Variants in SPAG16 observed in about 807,000 individuals in gnomAD.
SPAG16 encodes the protein sperm associated antigen 16.
SPAG16 carries 86 observed loss-of-function variants against 80.4 expected under a neutral mutation model. That is an observed-to-expected ratio of 1.07 (90% CI 0.90 to 1.28). The LOEUF (loss-of-function observed/expected upper bound fraction) is 1.28. Ranked by LOEUF, SPAG16 falls within the 50% of genes most tolerant of loss-of-function variation. The pLI is 0.00. For missense variants in SPAG16, 870 were observed against 765.3 expected (o/e 1.14, Z -1.61); for synonymous variants, 294 against 265.9 (o/e 1.11, Z -1.03).
chr2:213,348,260 C>A (rs181686900), intron 6 of SPAG16, among the ~76,000 whole-genome samples: 89 of 152,110 alleles, frequency 5.9e-4, no homozygotes, highest in Non-Finnish European at 8.5e-4. Flanking sequence ...TGATTTTGAG[C>A]CTATGTGTGT....
intron 15 of SPAG16, among the ~76,000 whole-genome samples, chr2:214,167,810 T>G (rs1205862310): frequency 6.8e-6 from 1 of 147,710 alleles, no homozygotes; most frequent in Non-Finnish European, 1.5e-5. Flanking sequence ...ATTATATACT[T>G]TTTTTTTTTC....
At chr2:214,064,558 ATT>A (rs2050440609) in intron 13 of SPAG16, among the ~76,000 whole-genome samples, 2 of 152,062 alleles carry the variant, frequency 1.3e-5, no homozygotes, top group Non-Finnish European at 2.9e-5. Context: ...CATCATTTTA[ATT>A]CCAAGGAGTG....
At chr2:213,786,565 AAACT>A (rs1311044400) in intron 10 of SPAG16, among the ~76,000 whole-genome samples, 2 of 152,188 alleles carry the variant, frequency 1.3e-5, no homozygotes, top group Non-Finnish European at 2.9e-5. Context: ...ATAAATAAAT[AAACT>A]ATTACCATGT....
At chr2:213,457,174 G>A (rs1033762560) in intron 9 of SPAG16, among the ~76,000 whole-genome samples, 6 of 152,086 alleles carry the variant, frequency 3.9e-5, no homozygotes, top group Non-Finnish European at 8.8e-5. Context: ...CTGTCTACCA[G>A]GAAATTGTTT....
chr2:213,385,338 C>G (rs972105916), intron 9 of SPAG16, among the ~76,000 whole-genome samples: 2 of 152,122 alleles, frequency 1.3e-5, no homozygotes, highest in Non-Finnish European at 2.9e-5. Context: ...AGTTTCCTTT[C>G]TAGGGTGTTA....
At chr2:213,353,561 T>TCCTGGAGTATC (rs2065455231) in intron 7 of SPAG16, among the ~76,000 whole-genome samples, 1 of 152,224 alleles carries the variant, frequency 6.6e-6, no homozygotes, top group South Asian at 2.1e-4. Context: ...ATACTTATAT[T>TCCTGGAGTATC]CCTGGAGTAT....
intron 10 of SPAG16, among the ~76,000 whole-genome samples, chr2:213,513,794 T>C (rs1234084199): frequency 6.6e-6 from 1 of 152,148 alleles, no homozygotes; most frequent in Non-Finnish European, 1.5e-5. Context: ...TATAATTTTA[T>C]ACTTAAGCTG....
At chr2:213,822,730 C>A (rs1416082330) in intron 10 of SPAG16, among the ~76,000 whole-genome samples, 2 of 152,106 alleles carry the variant, frequency 1.3e-5, no homozygotes, top group Non-Finnish European at 2.9e-5. Flanking sequence ...CTCTCCTCAA[C>A]CCCCAGCCCC....
intron 12 of SPAG16, among the ~76,000 whole-genome samples, chr2:213,978,876 T>C (rs751755048): frequency 1.6e-4 from 24 of 151,964 alleles, no homozygotes; most frequent in Non-Finnish European, 2.9e-4. Flanking sequence ...ACAATGGGGG[T>C]TAGTGCTTCA....
At chr2:214,103,547 T>A (rs1039273487) in intron 13 of SPAG16, among the ~76,000 whole-genome samples, 1 of 152,122 alleles carries the variant, frequency 6.6e-6, no homozygotes, top group African/African-American at 2.4e-5. Flanking sequence ...GAAAGCAGCA[T>A]GGGAAGGATA....
intron 6 of SPAG16, among the ~76,000 whole-genome samples, chr2:213,347,597 A>G (rs1271845995): frequency 6.6e-6 from 1 of 152,066 alleles, no homozygotes; most frequent in Non-Finnish European, 1.5e-5. Context: ...CTTTGTTCTC[A>G]TTGGTTTCAA....
At chr2:214,295,655 G>T (rs568419955) in intron 15 of SPAG16, among the ~76,000 whole-genome samples, 1 of 152,214 alleles carries the variant, frequency 6.6e-6, no homozygotes, top group Admixed American at 6.5e-5. Context: ...ACCAGGCGTG[G>T]TGGCACATGT....
chr2:213,907,315 A>G (rs550391967), intron 11 of SPAG16, among the ~76,000 whole-genome samples: 1 of 152,348 alleles, frequency 6.6e-6, no homozygotes, highest in South Asian at 2.1e-4. Context: ...AATGCAAATC[A>G]AAACTACAAA....
At chr2:213,499,705 A>C (rs1329155338) in intron 10 of SPAG16, among the ~76,000 whole-genome samples, 1 of 152,200 alleles carries the variant, frequency 6.6e-6, no homozygotes, top group Non-Finnish European at 1.5e-5. Context: ...AGCTATAAAC[A>C]CTACTCTCGT....
chr2:213,837,802 C>T (rs2074165503), intron 10 of SPAG16, among the ~76,000 whole-genome samples: 1 of 151,944 alleles, frequency 6.6e-6, no homozygotes, highest in South Asian at 2.1e-4. Context: ...CACAAGAGTC[C>T]ATATAAGAGA....
intron 13 of SPAG16, among the ~76,000 whole-genome samples, chr2:214,041,554 T>A: frequency 6.6e-6 from 1 of 151,932 alleles, no homozygotes; most frequent in East Asian, 1.9e-4. Context: ...GAAGATTTTA[T>A]AAGGGACTAA....
intron 8 of SPAG16, among the ~76,000 whole-genome samples, chr2:213,369,091 T>A (rs2066490557): frequency 6.6e-6 from 1 of 152,090 alleles, no homozygotes; most frequent in Non-Finnish European, 1.5e-5. Context: ...GTGGAAACAA[T>A]TTTAATTCAG....
chr2:214,212,354 C>T (rs1339897574), intron 15 of SPAG16, among the ~76,000 whole-genome samples: 1 of 152,132 alleles, frequency 6.6e-6, no homozygotes, highest in African/African-American at 2.4e-5. Flanking sequence ...TCAGAGGTAA[C>T]TTCCTTGACC....
At chr2:214,382,637 C>T (rs1700515387) in intron 15 of SPAG16, among the ~76,000 whole-genome samples, 1 of 152,182 alleles carries the variant, frequency 6.6e-6, no homozygotes, top group Non-Finnish European at 1.5e-5. Flanking sequence ...ATTGAGTATC[C>T]ATCAAGTATA....
Sources: gnomAD v4.1 joint callset for allele counts (sites outside exome capture counted in the v4.1 genomes callset) on GRCh38, gnomAD v4.1.1 for gene constraint, MANE v1.5 for transcripts, NCBI Gene and HGNC (gene_info 2026-07-23, HGNC 2026-07-21) for gene names.